KIF26B: variants seen among roughly 807,000 people sequenced by gnomAD.
KIF26B encodes kinesin family member 26B, also known as kinesin-like protein KIF26B.
A neutral mutation model predicts 151.2 loss-of-function variants in KIF26B; 63 were observed. The observed-to-expected ratio is 0.42, with a 90% CI of 0.34 to 0.51. The LOEUF is 0.51. Among genes scored for constraint, KIF26B ranks in the 20% least tolerant of loss-of-function variants. KIF26B has a pLI of 0.07. For missense variants in KIF26B, 2,813 were observed against 2,913.6 expected, an observed-to-expected ratio of 0.97 and a Z score of 0.79; for synonymous variants, 1,357 against 1,262.1, an observed-to-expected ratio of 1.08 and a Z score of -1.59.
intron 2 of KIF26B, among the ~76,000 whole-genome samples, chr1:245,183,079 T>C (rs1225613930): frequency 6.6e-6 from 1 of 152,270 alleles, no homozygotes; most frequent in Non-Finnish European, 1.5e-5. Context: ...TAGCATCTTT[T>C]CGTGCTTATT....
chr1:245,584,828 ATTTAT>A (rs539541074), intron 5 of KIF26B, among the ~76,000 whole-genome samples: 15 of 152,336 alleles, frequency 9.8e-5, no homozygotes, highest in African/African-American at 3.1e-4. Flanking sequence ...TAAGGTAAAC[ATTTAT>A]TTTATTTCAG....
At chr1:245,670,049 G>GCCGAAGATT (rs1328391465) in intron 10 of KIF26B, among the ~76,000 whole-genome samples, 1 of 151,884 alleles carries the variant, frequency 6.6e-6, no homozygotes, top group Non-Finnish European at 1.5e-5. Flanking sequence ...TTCGGTGACA[G>GCCGAAGATT]GTGCACCACA....
At chr1:245,454,559 C>CA (rs1346678249) in intron 4 of KIF26B, among the ~76,000 whole-genome samples, 1 of 152,184 alleles carries the variant, frequency 6.6e-6, no homozygotes, top group Non-Finnish European at 1.5e-5. Context: ...CCCTGGCCAA[C>CA]AAACCTTAGC....
At chr1:245,679,104 C>G (rs994878753) in intron 10 of KIF26B, among the ~76,000 whole-genome samples, 2 of 152,132 alleles carry the variant, frequency 1.3e-5, no homozygotes, top group Non-Finnish European at 2.9e-5. Flanking sequence ...TGCAAAGGAG[C>G]AGGTAGCGAG....
intron 2 of KIF26B, among the ~76,000 whole-genome samples, chr1:245,165,432 A>G (rs1195257773): frequency 6.6e-6 from 1 of 152,144 alleles, no homozygotes; most frequent in African/African-American, 2.4e-5. Flanking sequence ...TGGATGTTAA[A>G]TTGATTGGGG....
At chr1:245,446,860 C>A (rs933535246) in intron 4 of KIF26B, among the ~76,000 whole-genome samples, 6 of 152,160 alleles carry the variant, frequency 3.9e-5, no homozygotes, top group Non-Finnish European at 8.8e-5. Context: ...ACTGTGATCA[C>A]TAGGGAGTTC....
chr1:245,431,983 G>T (rs1658793319), intron 4 of KIF26B, among the ~76,000 whole-genome samples: 1 of 151,914 alleles, frequency 6.6e-6, no homozygotes, highest in African/African-American at 2.4e-5. Flanking sequence ...AAGTGCCAAG[G>T]CCATTCCCTC....
At chr1:245,175,099 C>A (rs1668780035) in intron 2 of KIF26B, among the ~76,000 whole-genome samples, 1 of 152,148 alleles carries the variant, frequency 6.6e-6, no homozygotes. Context: ...GACTTCCCAC[C>A]AGGGTGAAAA....
At chr1:245,377,120 G>C (rs1226628322) in intron 3 of KIF26B, among the ~76,000 whole-genome samples, 1 of 152,112 alleles carries the variant, frequency 6.6e-6, no homozygotes, top group Non-Finnish European at 1.5e-5. Context: ...TCACCATGTT[G>C]GTCAGGCTGG....
chr1:245,190,308 A>G (rs778445556), intron 2 of KIF26B, among the ~76,000 whole-genome samples: 3 of 151,988 alleles, frequency 2.0e-5, no homozygotes, highest in Non-Finnish European at 4.4e-5. Flanking sequence ...GATTGCTGGG[A>G]CTCTCTTGTC....
At chr1:245,631,397 T>A (rs959843686) in intron 9 of KIF26B, among the ~76,000 whole-genome samples, 4 of 152,226 alleles carry the variant, frequency 2.6e-5, no homozygotes, top group African/African-American at 9.6e-5. Context: ...GTTGTTTTAG[T>A]CTCTCATATG....
At chr1:245,701,313 A>ATCCATT (rs987554374) in intron 14 of KIF26B, among the ~76,000 whole-genome samples, 20 of 152,216 alleles carry the variant, frequency 1.3e-4, no homozygotes, top group Non-Finnish European at 1.9e-4. Context: ...GCATGGAAAG[A>ATCCATT]TCCATTTTTA....
At chr1:245,183,119 C>G (rs1199865838) in intron 2 of KIF26B, among the ~76,000 whole-genome samples, 1 of 152,180 alleles carries the variant, frequency 6.6e-6, no homozygotes, top group Non-Finnish European at 1.5e-5. Context: ...TTGGAAAAAA[C>G]ATTTATTCAA....
At position 245,244,329 on chromosome 1, in the gene KIF26B, G is replaced by A. The variant is rs1670273169; in HGVS notation, c.465+87646G>A. On this transcript the variant is annotated intron_variant, in intron 2 of 14. Coordinates refer to ENST00000407071, the MANE Select transcript of KIF26B (RefSeq NM_018012.4). This position sits in a 1 kb window ranked among gnomAD's most constrained non-coding sequence, Gnocchi z 4.2. Reference sequence around the variant, plus strand: ...GCCCATTTGTTCCATTACTCTGAAAGACAATCCAAGATACGTCAGAGTCTC... The same window carrying A: ...GCCCATTTGTTCCATTACTCTGAAAAACAATCCAAGATACGTCAGAGTCTC... Among the ~76,000 whole-genome samples the A allele has an allele frequency of 6.6e-6, 1 of 152,022 alleles. No homozygotes were observed. Among genetic ancestry groups the A allele is most frequent in the African/African-American group, 2.4e-5 (1 of 41,356 alleles).
At chr1:245,220,572 A>G (rs1395542236) in intron 2 of KIF26B, among the ~76,000 whole-genome samples, 1 of 152,202 alleles carries the variant, frequency 6.6e-6, no homozygotes, top group African/African-American at 2.4e-5. Context: ...GGAGTAAGGC[A>G]TGTGACTGTA....
At chr1:245,654,099 G>C (rs1340382741) in intron 10 of KIF26B, among the ~76,000 whole-genome samples, 1 of 152,164 alleles carries the variant, frequency 6.6e-6, no homozygotes, top group Non-Finnish European at 1.5e-5. Context: ...GACCCGAGGG[G>C]CAGGGCTGAT....
intron 4 of KIF26B, among the ~76,000 whole-genome samples, chr1:245,451,815 G>A (rs1469330678): frequency 6.6e-6 from 1 of 151,872 alleles, no homozygotes; most frequent in Non-Finnish European, 1.5e-5. Flanking sequence ...GGCCAGCCTG[G>A]TCTTGAACTC....
chr1:245,250,248 C>A (rs3106155), intron 2 of KIF26B, among the ~76,000 whole-genome samples: 119,206 of 152,014 alleles, frequency 0.78, 47,352 homozygotes, highest in South Asian at 0.88. Context: ...TGTAGGTAGG[C>A]GTATTATATA....
intron 3 of KIF26B, among the ~76,000 whole-genome samples, chr1:245,414,930 A>G (rs1186861833): frequency 1.3e-5 from 2 of 152,214 alleles, no homozygotes; most frequent in African/African-American, 4.8e-5. Context: ...GGTAGAAGGA[A>G]GGGGAAAAAA....
Sources: allele counts gnomAD v4.1 joint callset (sites outside exome capture counted in the v4.1 genomes callset), GRCh38; gene constraint gnomAD v4.1.1; non-coding constraint Gnocchi (gnomAD v3.1); transcripts MANE v1.5; gene names NCBI Gene and HGNC (gene_info 2026-07-23, HGNC 2026-07-21).